Variants in EDNRB observed in about 807,000 individuals in gnomAD.
The protein encoded by EDNRB is endothelin receptor type B.
Under a neutral mutation model 46.4 loss-of-function variants are expected in EDNRB, and 18 were observed. The observed-to-expected ratio is 0.39, with a 90% CI of 0.27 to 0.57. The LOEUF (loss-of-function observed/expected upper bound fraction) is 0.57. Ranked by LOEUF, EDNRB falls within the 20% of genes least tolerant of loss-of-function variation. The pLI is 0.61. For missense variants in EDNRB, 434 were observed against 537.5 expected (o/e 0.81, Z 1.90); for synonymous variants, 213 against 204.9 (o/e 1.04, Z -0.34).
intron 1 of EDNRB, among the ~76,000 whole-genome samples, chr13:77,930,198 G>C (rs982612327): frequency 1.3e-5 from 2 of 152,136 alleles, no homozygotes; most frequent in African/African-American, 4.8e-5. Flanking sequence ...CAAAAACATG[G>C]TTCAGGTCTT....
At chr13:77,900,045 G>A (rs919438259) in intron 5 of EDNRB, 78 bp from the exon 6 acceptor site, 3 of 1,267,178 alleles carry the variant, frequency 2.4e-6, no homozygotes, top group African/African-American at 3.0e-5. Context: ...CTGTGCTTTT[G>A]TAAGGAAAAA....
rs59013244 is a variant in EDNRB, at chr13:77,908,690, G to GT, written c.484-5084dup. ...ACACATTCCTTATTCCCTATTTTTA[G>GT]TTTTTTCTTTGGACTTTACCCCATT... On this transcript the variant is annotated intron_variant, in intron 1 of 6. Coordinates refer to ENST00000646607, the MANE Select transcript of EDNRB (RefSeq NM_001122659.3). 1.3e-4 allele frequency among the ~76,000 whole-genome samples: 19 copies of GT among 151,982 alleles called. No individual in the cohort carries two copies. The East Asian group carries it at 3.3e-3, about 26-fold the overall frequency.
intron 1 of EDNRB, among the ~76,000 whole-genome samples, chr13:77,950,651 C>T (rs9530706): frequency 0.98 from 149,687 of 152,316 alleles, 73,614 homozygotes; most frequent in East Asian, 1. Context: ...CAAAAATGCT[C>T]GAACATATGG....
chr13:77,937,875 G>A (rs142288000), intron 1 of EDNRB, among the ~76,000 whole-genome samples: 36 of 152,254 alleles, frequency 2.4e-4, no homozygotes, highest in Admixed American at 4.6e-4. Context: ...GGGATGAGCT[G>A]CATCGGGAAC....
At position 77,969,531 on chromosome 13, in the gene EDNRB, A is replaced by T. The variant is rs375873048; in HGVS notation, c.-52+5816T>A. ...GGTAGTTTGGGTCTGAGAAAGTTCTAAGAACTTAGTGACAATTATGCATTG... is the reference window on the plus strand; with the variant it reads ...GGTAGTTTGGGTCTGAGAAAGTTCTTAGAACTTAGTGACAATTATGCATTG... On this transcript the variant is annotated intron_variant, in intron 1 of 7. Transcript: ENST00000646948. Among the ~76,000 whole-genome samples, 62 of 152,298 alleles carry T rather than the reference A, an allele frequency of 4.1e-4. No homozygotes were observed. In the South Asian group the frequency reaches 0.012, roughly 31 times the overall value.
chr13:77,923,420 A>G (rs1880140987), upstream of EDNRB, among the ~76,000 whole-genome samples: 1 of 152,204 alleles, frequency 6.6e-6, no homozygotes, highest in Non-Finnish European at 1.5e-5. Context: ...TTCCAGTCTA[A>G]GAAGGCAGTC....
At chr13:77,938,986 A>C (rs1442865772) in intron 1 of EDNRB, among the ~76,000 whole-genome samples, 1 of 152,228 alleles carries the variant, frequency 6.6e-6, no homozygotes, top group Non-Finnish European at 1.5e-5. Context: ...AATTTCATGC[A>C]CGTCAGTGTG....
At chr13:77,934,159 G>C (rs192064557) in intron 1 of EDNRB, among the ~76,000 whole-genome samples, 1 of 152,166 alleles carries the variant, frequency 6.6e-6, no homozygotes, top group East Asian at 1.9e-4. Context: ...AGTTGAGAAC[G>C]GTCAATAGGA....
intron 1 of EDNRB, among the ~76,000 whole-genome samples, chr13:77,912,127 T>G (rs1430596717): frequency 2.0e-5 from 3 of 152,116 alleles, no homozygotes; most frequent in African/African-American, 7.2e-5. Flanking sequence ...CGTTATCCTT[T>G]TGTACAACTA....
chr13:77,964,684 G>C (rs1363932747), intron 1 of EDNRB, among the ~76,000 whole-genome samples: 1 of 152,102 alleles, frequency 6.6e-6, no homozygotes, highest in Non-Finnish European at 1.5e-5. Flanking sequence ...TGTAAATGAA[G>C]AGTTAATGGG....
chr13:77,943,125 G>A (rs1286364275), intron 1 of EDNRB, among the ~76,000 whole-genome samples: 1 of 152,000 alleles, frequency 6.6e-6, no homozygotes, highest in Non-Finnish European at 1.5e-5. Flanking sequence ...TTCCATAAAA[G>A]CTATTCTTTG....
chr13:77,895,657 A>G lies in EDNRB; in HGVS notation c.*2543T>C, dbSNP rs1878583127. On this transcript the variant is annotated 3_prime_UTR_variant, in exon 7 of 7. Transcript: ENST00000646607. Reference sequence around the variant, plus strand: ...ATAAGGTAGTTGTTAAAAAAACTTAAATTTTTATTGGTTTTGCTTACATAA... The same window carrying G: ...ATAAGGTAGTTGTTAAAAAAACTTAGATTTTTATTGGTTTTGCTTACATAA... The G allele has an allele frequency of 6.6e-6, 1 of 152,040 alleles. No homozygotes were observed. 9.4% of individuals were successfully genotyped at this position (152,040 alleles called of 1,614,324 possible).
At chr13:77,929,774 C>G (rs990085396) in intron 1 of EDNRB, among the ~76,000 whole-genome samples, 1 of 152,156 alleles carries the variant, frequency 6.6e-6, no homozygotes, top group Non-Finnish European at 1.5e-5. Flanking sequence ...CATTTACCTA[C>G]CTGAGAAGCC....
intron 1 of EDNRB, among the ~76,000 whole-genome samples, chr13:77,915,240 A>G (rs953555719): frequency 6.6e-6 from 1 of 152,216 alleles, no homozygotes; most frequent in Non-Finnish European, 1.5e-5. Context: ...AAATTAAGCC[A>G]TTAGAATAAC....
chr13:77,942,384 G>A, intron 1 of EDNRB, among the ~76,000 whole-genome samples: 1 of 152,096 alleles, frequency 6.6e-6, no homozygotes, highest in East Asian at 1.9e-4. Flanking sequence ...CATTTTAGAG[G>A]GAAAGAGGTT....
chr13:77,964,991 A>G (rs561866935), intron 1 of EDNRB, among the ~76,000 whole-genome samples: 33 of 152,288 alleles, frequency 2.2e-4, no homozygotes, highest in African/African-American at 7.7e-4. Context: ...CATATACATA[A>G]GTAAGTACCA....
At chr13:77,945,876 C>CAAAAAAAAACAA (rs1880889486) in intron 1 of EDNRB, among the ~76,000 whole-genome samples, 1 of 115,592 alleles carries the variant, frequency 8.7e-6, no homozygotes, top group Admixed American at 9.0e-5. Flanking sequence ...TGCAAAAAAC[C>CAAAAAAAAACAA]AAAAAAAAAA....
intron 1 of EDNRB, among the ~76,000 whole-genome samples, chr13:77,948,927 T>C (rs1461169985): frequency 6.6e-6 from 1 of 152,228 alleles, no homozygotes. Context: ...CACTGCTTTT[T>C]CTTGTGTTAA....
At chr13:77,955,825 G>C (rs1374894740) in intron 1 of EDNRB, among the ~76,000 whole-genome samples, 1 of 150,510 alleles carries the variant, frequency 6.6e-6, no homozygotes, top group Non-Finnish European at 1.5e-5. Context: ...TGTTCCATTG[G>C]GGTGTGTGTA....
Sources: allele counts gnomAD v4.1 joint callset (sites outside exome capture counted in the v4.1 genomes callset), GRCh38; gene constraint gnomAD v4.1.1; transcripts MANE v1.5; gene names NCBI Gene and HGNC (gene_info 2026-07-23, HGNC 2026-07-21).